SLC35F3: variants seen among roughly 807,000 people sequenced by gnomAD.
SLC35F3 encodes the protein putative thiamine transporter SLC35F3.
SLC35F3 carries 25 observed loss-of-function variants against 49.9 expected under a neutral mutation model. That is an observed-to-expected ratio of 0.50 (90% confidence interval 0.37 to 0.70). The LOEUF is 0.70. SLC35F3 is among the 30% of genes least tolerant of loss of function. The pLI, the probability that SLC35F3 is intolerant of heterozygous loss-of-function variation, is 0.00. For missense variants in SLC35F3, 525 were observed against 639.8 expected, an observed-to-expected ratio of 0.82 and a Z score of 1.94; for synonymous variants, 275 against 265.4, an observed-to-expected ratio of 1.04 and a Z score of -0.35.
chr1:234,069,472 G>T (rs1365840329), intron 2 of SLC35F3, among the ~76,000 whole-genome samples: 1 of 151,874 alleles, frequency 6.6e-6, no homozygotes, highest in Non-Finnish European at 1.5e-5. Context: ...AGCCAGGATG[G>T]TCTTGATCTT....
intron 2 of SLC35F3, among the ~76,000 whole-genome samples, chr1:234,216,768 G>T (rs1015820767): frequency 1.3e-5 from 2 of 152,346 alleles, no homozygotes; most frequent in Non-Finnish European, 2.9e-5. Context: ...AAACGTAAAA[G>T]AGAAGGAACA....
chr1:234,001,219 C>G (rs1265039039), intron 2 of SLC35F3, among the ~76,000 whole-genome samples: 3 of 152,166 alleles, frequency 2.0e-5, no homozygotes. Context: ...TTTTGTCATG[C>G]TTTATGACAT....
chr1:234,198,271 C>T (rs1043649265), intron 2 of SLC35F3, among the ~76,000 whole-genome samples: 2 of 152,148 alleles, frequency 1.3e-5, no homozygotes, highest in Non-Finnish European at 2.9e-5. Context: ...GAAACATTTC[C>T]TAGGAAAAGT....
intron 2 of SLC35F3, among the ~76,000 whole-genome samples, chr1:234,069,041 TTTTA>T (rs1430644253): frequency 8.8e-6 from 1 of 114,138 alleles, no homozygotes; most frequent in Non-Finnish European, 1.7e-5. Flanking sequence ...AATTATATAA[TTTTA>T]TATATAATAT....
At chr1:233,945,489 A>G (rs1662499054) in intron 2 of SLC35F3, among the ~76,000 whole-genome samples, 1 of 152,258 alleles carries the variant, frequency 6.6e-6, no homozygotes, top group Non-Finnish European at 1.5e-5. Flanking sequence ...AATGGGGATG[A>G]AATGAAATGT....
chr1:233,985,434 G>T (rs1389596488), intron 2 of SLC35F3, among the ~76,000 whole-genome samples: 1 of 152,194 alleles, frequency 6.6e-6, no homozygotes, highest in African/African-American at 2.4e-5. Context: ...TATAGCTGAA[G>T]AATCTATCAA....
intron 3 of SLC35F3, among the ~76,000 whole-genome samples, chr1:234,245,585 A>G (rs1667618225): frequency 1.3e-5 from 2 of 151,280 alleles, no homozygotes; most frequent in African/African-American, 2.4e-5. Context: ...GGCATTAACA[A>G]CTCCTTTGTT....
chr1:234,208,507 C>T (rs531218371), intron 2 of SLC35F3, among the ~76,000 whole-genome samples: 2 of 152,288 alleles, frequency 1.3e-5, no homozygotes, highest in East Asian at 1.9e-4. Context: ...TCTGCTTTCT[C>T]ATTCTAAAGG....
chr1:234,113,549 T>C (rs1479080512), intron 2 of SLC35F3, among the ~76,000 whole-genome samples: 5 of 152,208 alleles, frequency 3.3e-5, no homozygotes, highest in Admixed American at 3.3e-4. Context: ...TCATAGACTT[T>C]AGTTCATGAC....
intron 2 of SLC35F3, among the ~76,000 whole-genome samples, chr1:234,105,605 A>G (rs764520317): frequency 1.4e-4 from 21 of 152,184 alleles, no homozygotes; most frequent in Non-Finnish European, 3.1e-4. Flanking sequence ...CCTACTAGGC[A>G]CCACTCAGAG....
At chr1:234,301,864 A>G (rs1292970927) in intron 3 of SLC35F3, among the ~76,000 whole-genome samples, 1 of 152,254 alleles carries the variant, frequency 6.6e-6, no homozygotes. Context: ...CAGCCATGAA[A>G]AGAAATAAGA....
At chr1:234,129,338 AT>A (rs1172454036) in intron 2 of SLC35F3, among the ~76,000 whole-genome samples, 3 of 152,252 alleles carry the variant, frequency 2.0e-5, no homozygotes, top group African/African-American at 4.8e-5. Context: ...TAATACTACA[AT>A]AGACTCAAAA....
intron 2 of SLC35F3, among the ~76,000 whole-genome samples, chr1:234,099,622 A>C (rs919835659): frequency 1.3e-4 from 20 of 150,444 alleles, no homozygotes; most frequent in East Asian, 9.7e-4. Flanking sequence ...AAAAAAAAAA[A>C]AAAAACAAAA....
intron 3 of SLC35F3, among the ~76,000 whole-genome samples, chr1:234,249,993 T>C (rs1667710392): frequency 6.6e-6 from 1 of 152,196 alleles, no homozygotes; most frequent in South Asian, 2.1e-4. Context: ...GTATACAGTA[T>C]GCCGTGTCTC....
At chr1:234,097,297 T>G (rs572843599) in intron 2 of SLC35F3, among the ~76,000 whole-genome samples, 1 of 152,292 alleles carries the variant, frequency 6.6e-6, no homozygotes, top group Non-Finnish European at 1.5e-5. Context: ...CACTACACAA[T>G]TCATCCATGT....
In SLC35F3 at chr1:234,176,372, A is replaced by T. The variant is rs1208843604; in HGVS notation, c.284-55045A>T. 2.0e-5 allele frequency among the ~76,000 whole-genome samples: 3 copies of T among 152,226 alleles called. No individual in the cohort carries two copies. The South Asian group carries it at 6.2e-4, about 32-fold the overall frequency. On this transcript the variant is annotated intron_variant, in intron 2 of 7. Coordinates refer to ENST00000366618, the MANE Select transcript of SLC35F3 (RefSeq NM_173508.4). ...ATCTGTTCATAGAGTGGAAAAGCCT[A>T]TTCCCAACCTGGACAAAGGAAGATC... is the stretch of plus-strand genomic sequence containing the variant.
chr1:233,941,615 CA>C (rs1188649566), intron 2 of SLC35F3, among the ~76,000 whole-genome samples: 1 of 152,094 alleles, frequency 6.6e-6, no homozygotes, highest in African/African-American at 2.4e-5. Flanking sequence ...CCAATTATAC[CA>C]AACTGAAACA....
At chr1:234,226,666 C>T (rs531048720) in intron 2 of SLC35F3, among the ~76,000 whole-genome samples, 1 of 152,208 alleles carries the variant, frequency 6.6e-6, no homozygotes, top group African/African-American at 2.4e-5. Flanking sequence ...TAACCTCGAC[C>T]TTCAGCTCAC....
Position 234,214,263 on chromosome 1 carries a change from T to C in SLC35F3, c.284-17154T>C. On this transcript the variant is annotated intron_variant, in intron 2 of 7. Coordinates refer to ENST00000366618, the MANE Select transcript of SLC35F3 (RefSeq NM_173508.4). This position sits in a 1 kb window ranked among gnomAD's most constrained non-coding sequence, Gnocchi z 8.0. ...AAGTAGGAGGCTGTGCGCGCGTGTG[T>C]GTGGAGTGGCTGCGCGGCCGGGGAG... is the stretch of plus-strand genomic sequence containing the variant. 2.4e-6 allele frequency: 3 copies of C among 1,262,558 alleles called. No homozygotes were observed. The highest frequency in any genetic ancestry group is 3.0e-6 in the Non-Finnish European group (3 of 1,006,630). 78.2% of individuals were successfully genotyped at this position (1,262,558 alleles called of 1,614,324 possible). A position where few individuals can be genotyped will look rare whatever the true frequency, so the allele number is the denominator to read the frequency against.
Sources: gnomAD v4.1 joint callset for allele counts (sites outside exome capture counted in the v4.1 genomes callset) on GRCh38, gnomAD v4.1.1 for gene constraint, Gnocchi (gnomAD v3.1) non-coding constraint, MANE v1.5 for transcripts, NCBI Gene and HGNC (gene_info 2026-07-23, HGNC 2026-07-21) for gene names.